The following RFX3 variants were observed in gnomAD, a reference collection of about 807,000 sequenced individuals.
RFX3 encodes the protein transcription factor RFX3.
RFX3 carries 14 observed loss-of-function variants against 98.6 expected under a neutral mutation model. The observed-to-expected ratio is 0.14, with a 90% CI of 0.09 to 0.22. The LOEUF is 0.22. Ranked by LOEUF, RFX3 falls within the 10% of genes least tolerant of loss-of-function variation. The pLI is 1.00. For synonymous variants in RFX3, 383 were observed against 328.4 expected, an observed-to-expected ratio of 1.17 and a Z score of -1.80; for missense variants, 639 against 926.9, an observed-to-expected ratio of 0.69 and a Z score of 4.03.
intron 1 of RFX3, among the ~76,000 whole-genome samples, chr9:3,484,510 C>A (rs1850082052): frequency 6.6e-6 from 1 of 152,118 alleles, no homozygotes; most frequent in African/African-American, 2.4e-5. Context: ...CCATAAATTG[C>A]AAGAAAATAA....
chr9:3,356,876 CAT>C (rs1835830983), intron 2 of RFX3, among the ~76,000 whole-genome samples: 2 of 151,380 alleles, frequency 1.3e-5, no homozygotes, highest in East Asian at 1.9e-4. Flanking sequence ...AAGAAAAAAA[CAT>C]ATGATCACCT....
At chr9:3,318,827 A>G (rs1013341309) in intron 4 of RFX3, among the ~76,000 whole-genome samples, 9 of 152,196 alleles carry the variant, frequency 5.9e-5, no homozygotes, top group African/African-American at 2.2e-4. Flanking sequence ...GTTGCCTAAG[A>G]AACCTTATAA....
chr9:3,238,822 T>C (rs1190186858), intron 15 of RFX3, among the ~76,000 whole-genome samples: 4 of 151,944 alleles, frequency 2.6e-5, no homozygotes, highest in Non-Finnish European at 4.4e-5. Flanking sequence ...ACCCCGTCTC[T>C]ACTAAAAATA....
In RFX3 at chr9:3,218,995, T is replaced by C. The variant is rs1273048308; in HGVS notation, c.*6047A>G. ...CCCTGAGTGATAGTGAAGTTACTGA[T>C]TGGTAAGCACTACAATTAACCTAAT... On this transcript the variant is annotated 3_prime_UTR_variant, in exon 17 of 17. Transcript: ENST00000617270. 6.6e-6 allele frequency: 1 copy of C among 152,144 alleles called. No homozygotes were observed. The highest frequency in any genetic ancestry group is 1.5e-5 in the Non-Finnish European group (1 of 68,008). 9.4% of individuals were successfully genotyped at this position (152,144 alleles called of 1,614,324 possible).
At chr9:3,410,165 G>C (rs1247868729) in intron 1 of RFX3, among the ~76,000 whole-genome samples, 1 of 137,174 alleles carries the variant, frequency 7.3e-6, no homozygotes, top group Non-Finnish European at 1.5e-5. Flanking sequence ...GATAAACTGT[G>C]TGTGTGTGTG....
intron 16 of RFX3, among the ~76,000 whole-genome samples, chr9:3,225,945 T>C (rs1238040153): frequency 2.0e-5 from 3 of 152,216 alleles, no homozygotes; most frequent in Non-Finnish European, 4.4e-5. Context: ...CTGGTATTCA[T>C]TTCTGGAAAT....
At chr9:3,233,860 C>A (rs1324044430) in intron 15 of RFX3, among the ~76,000 whole-genome samples, 1 of 152,152 alleles carries the variant, frequency 6.6e-6, no homozygotes, top group African/African-American at 2.4e-5. Flanking sequence ...CAAATGATCA[C>A]CATTATCAAT....
rs2130456997 is a variant in RFX3, at chr9:3,219,004, A to C, written c.*6038T>G. ...ATAGTGAAGTTACTGATTGGTAAGC[A>C]CTACAATTAACCTAATTAAAAGTTT... On this transcript the variant is annotated 3_prime_UTR_variant, in exon 17 of 17. Coordinates refer to ENST00000617270, the MANE Select transcript of RFX3 (RefSeq NM_001282116.2). 6.6e-6 allele frequency: 1 copy of C among 152,304 alleles called. No homozygotes were observed. Among genetic ancestry groups the C allele is most frequent in the Non-Finnish European group, 1.5e-5 (1 of 68,014 alleles). 9.4% of individuals were successfully genotyped at this position (152,304 alleles called of 1,614,324 possible). A position where few individuals can be genotyped will look rare whatever the true frequency, so the allele number is the denominator to read the frequency against.
chr9:3,475,898 C>G (rs1240565949), intron 1 of RFX3, among the ~76,000 whole-genome samples: 2 of 152,132 alleles, frequency 1.3e-5, no homozygotes, highest in African/African-American at 4.8e-5. Flanking sequence ...GGTGTTTTCC[C>G]TTCGCACTGA....
At chr9:3,354,468 T>A (rs1377648741) in intron 2 of RFX3, among the ~76,000 whole-genome samples, 1 of 151,670 alleles carries the variant, frequency 6.6e-6, no homozygotes, top group Non-Finnish European at 1.5e-5. Context: ...GAGAAAAAAA[T>A]TAAGCAGACA....
intron 4 of RFX3, among the ~76,000 whole-genome samples, chr9:3,329,425 AAAAC>A (rs1342474087): frequency 6.0e-5 from 9 of 150,180 alleles, no homozygotes; most frequent in East Asian, 1.9e-4. Flanking sequence ...AAAAAAAAAA[AAAAC>A]AAAAAACCAC....
chr9:3,420,897 C>T (rs1843383692), intron 1 of RFX3: 8 of 984,378 alleles, frequency 8.1e-6, no homozygotes, highest in Non-Finnish European at 9.6e-6. Flanking sequence ...ATCCTTGGGT[C>T]AAATCTGAAA....
chr9:3,441,531 G>T (rs1252108556), intron 1 of RFX3, among the ~76,000 whole-genome samples: 1 of 151,968 alleles, frequency 6.6e-6, no homozygotes. Context: ...TAAAAGACTC[G>T]GGCATCTTGT....
chr9:3,387,607 C>G (rs551505585), intron 2 of RFX3, among the ~76,000 whole-genome samples: 2 of 151,288 alleles, frequency 1.3e-5, no homozygotes, highest in Non-Finnish European at 1.5e-5. Context: ...ATAAATCTCT[C>G]CAAGAGCTAA....
At chr9:3,254,435 G>A (rs1316845950) in intron 14 of RFX3, among the ~76,000 whole-genome samples, 1 of 151,970 alleles carries the variant, frequency 6.6e-6, no homozygotes. Flanking sequence ...GTGTACTGCT[G>A]TTTCATCAAT....
chr9:3,322,638 T>C (rs1360364398), intron 4 of RFX3, among the ~76,000 whole-genome samples: 2 of 151,974 alleles, frequency 1.3e-5, no homozygotes, highest in Non-Finnish European at 2.9e-5. Context: ...GAGGCTGAGA[T>C]AGGAGAATCG....
intron 1 of RFX3, among the ~76,000 whole-genome samples, chr9:3,471,305 T>C (rs1318083228): frequency 6.6e-6 from 1 of 152,210 alleles, no homozygotes; most frequent in South Asian, 2.1e-4. Flanking sequence ...AGGCAAGTAA[T>C]ATCATTCTGG....
rs149269737 is a variant in RFX3 at position 3,263,079 on chromosome 9, G to C, written c.1461C>G (p.Ala487=). ...GAGTCTGGGCAAAGGCACTTACAGC[G>C]GCAACCTGTAACGCAATCCAATTAA... The part of the protein sequence containing the change: ...IPQRMIQTKV[A]AVSAFAQTLR... The change falls in exon 13 of 17, where the codon GCC becomes GCG. Residue 487 remains alanine (A), a synonymous_variant. Coordinates refer to ENST00000617270, the MANE Select transcript of RFX3 (RefSeq NM_001282116.2). 1 of 1,613,430 alleles carries C rather than the reference G, an allele frequency of 6.2e-7. No individual in the cohort carries two copies. The highest frequency in any genetic ancestry group is 1.7e-5 in the Admixed American group (1 of 59,980).
chr9:3,496,435 T>C (rs1320238564), intron 1 of RFX3, among the ~76,000 whole-genome samples: 2 of 151,976 alleles, frequency 1.3e-5, no homozygotes, highest in Non-Finnish European at 2.9e-5. Context: ...CATTCCTCTT[T>C]GAAAACAATT....
Sources: allele counts gnomAD v4.1 joint callset (sites outside exome capture counted in the v4.1 genomes callset), GRCh38; gene constraint gnomAD v4.1.1; transcripts MANE v1.5; gene names NCBI Gene and HGNC (gene_info 2026-07-23, HGNC 2026-07-21).